CDK18: variants seen among roughly 807,000 people sequenced by gnomAD.
CDK18 encodes the protein cyclin-dependent kinase 18.
In CDK18, 52 loss-of-function variants were observed where a neutral mutation model predicts 62.0. The ratio of observed to expected loss-of-function variants is 0.84; its 90% CI spans 0.67 to 1.06. CDK18 has a LOEUF of 1.06. Ranked by LOEUF, CDK18 falls within the 50% of genes least tolerant of loss-of-function variation. CDK18 has a pLI of 0.00. For missense variants in CDK18, 604 were observed against 619.9 expected (o/e 0.97, Z 0.27); for synonymous variants, 237 against 247.0 (o/e 0.96, Z 0.38).
chr1:205,518,028 C>T (rs1305830759), intron 1 of CDK18, among the ~76,000 whole-genome samples: 1 of 152,112 alleles, frequency 6.6e-6, no homozygotes, highest in Non-Finnish European at 1.5e-5. Flanking sequence ...GACCTTTGCC[C>T]CTGCTGTTCC....
intron 1 of CDK18, among the ~76,000 whole-genome samples, chr1:205,520,650 A>G (rs1221527626): frequency 6.6e-6 from 1 of 151,918 alleles, no homozygotes; most frequent in East Asian, 1.9e-4. Context: ...CAGTGAGCCA[A>G]GATCACGCCA....
rs766456677 is a variant in CDK18, at chr1:205,526,730, C to T, written c.667-45C>T. 4 of 1,562,322 alleles carry T rather than the reference C, an allele frequency of 2.6e-6. No individual in the cohort carries two copies. The South Asian group carries it at 3.3e-5, about 13-fold the overall frequency. ...CTCAGCCTGTGTCTGGGCTTCTGGC[C>T]AGGGGTCAGCGTGGGGCAGGACTGA... On this transcript the variant is annotated intron_variant, in intron 7 of 15. Transcript: ENST00000429964.
At chr1:205,513,784 G>A (rs1667683313) in intron 1 of CDK18, among the ~76,000 whole-genome samples, 1 of 152,186 alleles carries the variant, frequency 6.6e-6, no homozygotes, top group Non-Finnish European at 1.5e-5. Context: ...GTTGCAGGAG[G>A]AACTTCTCAT....
intron 1 of CDK18, among the ~76,000 whole-genome samples, chr1:205,505,040 T>C (rs1377183105): frequency 3.3e-5 from 5 of 152,044 alleles, no homozygotes; most frequent in Non-Finnish European, 7.4e-5. Flanking sequence ...GAAAGGCCAC[T>C]CGTAAGTTCC....
In CDK18 at chr1:205,531,642, G is replaced by A. The variant is rs1668744627; in HGVS notation, c.*264G>A. On this transcript the variant is annotated 3_prime_UTR_variant, in exon 16 of 16. Coordinates refer to ENST00000429964, the MANE Select transcript of CDK18 (RefSeq NM_212502.3). Reference sequence around the variant, plus strand: ...CTGCTTCCCTGAGAGGACATGAGGGGGGGGCGGTCCTCGTACCCTCTCCCA... The same window carrying A: ...CTGCTTCCCTGAGAGGACATGAGGGAGGGGCGGTCCTCGTACCCTCTCCCA... 4.1e-6 allele frequency: 2 copies of A among 491,896 alleles called. No homozygotes were observed. The highest frequency in any genetic ancestry group is 5.6e-4 in the Middle Eastern group (1 of 1,794). The allele number at this position is 491,896 out of a possible 1,614,324, so 30.5% of individuals were successfully genotyped here.
At chr1:205,512,497 C>T (rs1413039689) in intron 1 of CDK18, among the ~76,000 whole-genome samples, 1 of 152,214 alleles carries the variant, frequency 6.6e-6, no homozygotes, top group Non-Finnish European at 1.5e-5. Flanking sequence ...ATTTAGAGAA[C>T]AGTTGAACAA....
intron 1 of CDK18, among the ~76,000 whole-genome samples, chr1:205,522,164 A>T (rs1039181015): frequency 1.3e-5 from 2 of 152,178 alleles, no homozygotes; most frequent in Non-Finnish European, 2.9e-5. Flanking sequence ...AAGCAGTTGC[A>T]TGGGTCTCAT....
At position 205,517,858 on chromosome 1, in the gene CDK18, C is replaced by T. The variant is rs1034601826; in HGVS notation, c.-21-5289C>T. Among the ~76,000 whole-genome samples, 3 of 152,138 alleles carry T rather than the reference C, an allele frequency of 2.0e-5. No homozygotes were observed. Among genetic ancestry groups the T allele is most frequent in the African/African-American group, 7.2e-5 (3 of 41,420 alleles). On this transcript the variant is annotated intron_variant, in intron 1 of 15. Transcript: ENST00000429964. The surrounding 1 kb of genome is among the most constrained non-coding windows in gnomAD (Gnocchi z 4.1). ...TCCCCTTGCTCCCCTTGTCTGTTCT[C>T]AACACAGCAGCGTGTTAAAGCCTCA...
chr1:205,532,303 G>A lies in CDK18; in HGVS notation c.*925G>A, dbSNP rs1301697438. ...CAGGCCTGGTCAGGGTCCTGGGGAC[G>A]GCACCCAGATATGCAGAGTCACCCT... On this transcript the variant is annotated 3_prime_UTR_variant, in exon 16 of 16. Transcript: ENST00000429964. 2.6e-5 allele frequency: 4 copies of A among 152,608 alleles called. No homozygotes were observed. The highest frequency in any genetic ancestry group is 6.5e-5 in the Admixed American group (1 of 15,278). 9.5% of individuals were successfully genotyped at this position (152,608 alleles called of 1,614,324 possible). A position where few individuals can be genotyped will look rare whatever the true frequency, so the allele number is the denominator to read the frequency against.
At chr1:205,526,619 C>A in intron 7 of CDK18, 156 bp from the exon 8 acceptor site, 2 of 940,476 alleles carry the variant, frequency 2.1e-6, no homozygotes, top group Non-Finnish European at 3.5e-6. Flanking sequence ...CAGGAGTGGG[C>A]CAAGAGCTCA....
At chr1:205,505,406 G>A (rs1667257230) in intron 1 of CDK18, among the ~76,000 whole-genome samples, 1 of 152,090 alleles carries the variant, frequency 6.6e-6, no homozygotes, top group African/African-American at 2.4e-5. Flanking sequence ...GGGAGGCAGG[G>A]GTCTGGGGAA....
At chr1:205,512,839 TC>T (rs2102277493) in intron 1 of CDK18, among the ~76,000 whole-genome samples, 1 of 152,216 alleles carries the variant, frequency 6.6e-6, no homozygotes, top group African/African-American at 2.4e-5. Context: ...TGGGAAATCC[TC>T]CCCATTCCCT....
intron 1 of CDK18, among the ~76,000 whole-genome samples, chr1:205,506,285 C>T (rs1048065680): frequency 2.6e-5 from 4 of 152,138 alleles, no homozygotes; most frequent in Non-Finnish European, 1.5e-5. Flanking sequence ...TTACCCTTTC[C>T]CAGCCACCTC....
In CDK18 at chr1:205,517,192, G is replaced by T. The variant is rs1667863671; in HGVS notation, c.-21-5955G>T. 6.6e-6 allele frequency among the ~76,000 whole-genome samples: 1 copy of T among 152,138 alleles called. No individual in the cohort carries two copies. Among genetic ancestry groups the T allele is most frequent in the East Asian group, 1.9e-4 (1 of 5,176 alleles). The stretch of plus-strand genomic sequence containing the variant: ...TGGGGCTTGTCTGCCAGTAGCCGGG[G>T]TTCCCTGCCTTGCACGGGCCCCACC... On this transcript the variant is annotated intron_variant, in intron 1 of 15. Coordinates refer to ENST00000429964, the MANE Select transcript of CDK18 (RefSeq NM_212502.3). The surrounding 1 kb of genome is among the most constrained non-coding windows in gnomAD (Gnocchi z 4.1).
In CDK18 at chr1:205,528,456, A is replaced by G. The variant is rs1256219082; in HGVS notation, c.974+288A>G. On this transcript the variant is annotated intron_variant, in intron 10 of 15. Coordinates refer to ENST00000429964, the MANE Select transcript of CDK18 (RefSeq NM_212502.3). The surrounding 1 kb of genome is among the most constrained non-coding windows in gnomAD (Gnocchi z 4.2). ...GGGTCCAGGAGGGCCCCTATAGTAA[A>G]TACGATGAATCTTCCCCAAGCATCA... Among the ~76,000 whole-genome samples the G allele has an allele frequency of 1.3e-5, 2 of 152,150 alleles. No homozygotes were observed. Among genetic ancestry groups the G allele is most frequent in the Non-Finnish European group, 2.9e-5 (2 of 68,022 alleles).
chr1:205,505,239 AG>A (rs1667248924), intron 1 of CDK18, among the ~76,000 whole-genome samples: 1 of 152,136 alleles, frequency 6.6e-6, no homozygotes, highest in East Asian at 1.9e-4. Context: ...AGGAGTCTCC[AG>A]GGACCAAAGG....
Position 205,527,973 on chromosome 1 carries a change from G to T in CDK18, c.853+56G>T. 5.6e-6 allele frequency: 9 copies of T among 1,613,094 alleles called. No homozygotes were observed. Among genetic ancestry groups the T allele is most frequent in the African/African-American group, 1.3e-5 (1 of 75,000 alleles). ...GCTACTGGGGTGCCTCAGGGTGTGG[G>T]TGCAGTGGGGGAGGGCATAGCAGTC... On this transcript the variant is annotated intron_variant, in intron 9 of 15. Transcript: ENST00000429964. This position sits in a 1 kb window ranked among gnomAD's most constrained non-coding sequence, Gnocchi z 4.1.
At position 205,524,410 on chromosome 1, in the gene CDK18, G is replaced by C. The variant is rs752858532; in HGVS notation, c.399+53G>C. ...AAGGTGGGGTGATATGCCCTCCCCA[G>C]CATGGGCATATCAGTCCCAGCTGAG... is the stretch of plus-strand genomic sequence containing the variant. On this transcript the variant is annotated intron_variant, in intron 4 of 15. Transcript: ENST00000429964. The C allele has an allele frequency of 2.0e-5, 32 of 1,606,222 alleles. No individual in the cohort carries two copies. The African/African-American group carries it at 3.6e-4, about 18-fold the overall frequency.
intron 4 of CDK18, among the ~76,000 whole-genome samples, chr1:205,524,936 T>G (rs902342674): frequency 2.0e-5 from 3 of 152,184 alleles, no homozygotes; most frequent in African/African-American, 7.2e-5. Context: ...AGCTCTGGGC[T>G]CTACACTCTT....
Sources: gnomAD v4.1 joint callset for allele counts (sites outside exome capture counted in the v4.1 genomes callset) on GRCh38, gnomAD v4.1.1 for gene constraint, Gnocchi (gnomAD v3.1) non-coding constraint, MANE v1.5 for transcripts, NCBI Gene and HGNC (gene_info 2026-07-23, HGNC 2026-07-21) for gene names.